The following PAK3 variants were observed in gnomAD, a reference collection of about 807,000 sequenced individuals.
PAK3 encodes serine/threonine-protein kinase PAK 3.
A neutral mutation model predicts 41.0 loss-of-function variants in PAK3; 4 were observed. That is an observed-to-expected ratio of 0.10 (90% CI 0.05 to 0.22). The LOEUF (loss-of-function observed/expected upper bound fraction) is 0.22. Ranked by LOEUF, PAK3 falls within the 10% of genes least tolerant of loss-of-function variation. The pLI, the probability that PAK3 is intolerant of heterozygous loss-of-function variation, is 1.00. For missense variants in PAK3, 205 were observed against 409.9 expected (o/e 0.50, Z 4.32); for synonymous variants, 146 against 139.6 (o/e 1.05, Z -0.32).
chrX:111,039,383 A>C (rs1290704104), intron 1 of PAK3, among the ~76,000 whole-genome samples: 1 of 112,154 alleles, frequency 8.9e-6, no homozygotes, highest in Non-Finnish European at 1.9e-5. Flanking sequence ...GAGAGGAATT[A>C]TCATGTCATA....
At chrX:111,087,702 G>A (rs1279007715) in intron 1 of PAK3, among the ~76,000 whole-genome samples, 1 of 103,788 alleles carries the variant, frequency 9.6e-6, no homozygotes, top group Admixed American at 1.1e-4. Flanking sequence ...GGAAGAAAAA[G>A]GGGATGTTCA....
chrX:111,203,801 C>A lies in PAK3; in HGVS notation c.1407+7161C>A, dbSNP rs1382191073. 6.3e-5 allele frequency among the ~76,000 whole-genome samples: 7 copies of A among 111,807 alleles called. No homozygotes were observed. The East Asian group carries it at 2.0e-3, about 32-fold the overall frequency. On this transcript the variant is annotated intron_variant, in intron 16 of 17. Transcript: ENST00000372007. ...GGATTGGAATGTCTGGGTTTGATGGCGTGTGCTCATTTGGAATTAAAGTCA... is the reference window on the plus strand; with the variant it reads ...GGATTGGAATGTCTGGGTTTGATGGAGTGTGCTCATTTGGAATTAAAGTCA...
At chrX:111,006,979 G>A (rs1223835252) in intron 1 of PAK3, among the ~76,000 whole-genome samples, 1 of 106,899 alleles carries the variant, frequency 9.4e-6, no homozygotes, top group African/African-American at 3.4e-5. Flanking sequence ...CAAACAAAAT[G>A]TTGAGTTTAC....
At chrX:111,107,867 C>G (rs186251876) in intron 4 of PAK3, among the ~76,000 whole-genome samples, 152 of 112,184 alleles carry the variant, frequency 1.4e-3, no homozygotes, top group African/African-American at 4.3e-3. Context: ...TGAGCAGGAA[C>G]ATCTTATCAA....
Position 111,117,830 on chromosome X carries a change from C to T in PAK3, c.-27-5247C>T, listed in dbSNP as rs2093493112. Reference sequence around the variant, plus strand: ...CTCTTACCCTCATGGAACTTATGATCTAATGAGGGGAGTGACTTGGATAAT... The same window carrying T: ...CTCTTACCCTCATGGAACTTATGATTTAATGAGGGGAGTGACTTGGATAAT... On this transcript the variant is annotated intron_variant, in intron 4 of 17. Transcript: ENST00000372007. Among the ~76,000 whole-genome samples, 4 of 111,617 alleles carry T rather than the reference C, an allele frequency of 3.6e-5. No individual in the cohort carries two copies. In the South Asian group the frequency reaches 1.5e-3, roughly 43 times the overall value.
intron 1 of PAK3, among the ~76,000 whole-genome samples, chrX:110,959,890 TA>T (rs1569496871): frequency 8.9e-6 from 1 of 112,169 alleles, no homozygotes; most frequent in Non-Finnish European, 1.9e-5. Flanking sequence ...TTGTTTTTTT[TA>T]AAAAATAAAT....
At chrX:111,087,532 C>G (rs763139190) in intron 1 of PAK3, among the ~76,000 whole-genome samples, 4 of 110,344 alleles carry the variant, frequency 3.6e-5, no homozygotes, top group Non-Finnish European at 7.6e-5. Flanking sequence ...GTCAGCCAAT[C>G]CTGTGTGCAC....
At chrX:111,042,119 A>C (rs1199487566) in intron 1 of PAK3, among the ~76,000 whole-genome samples, 1 of 111,953 alleles carries the variant, frequency 8.9e-6, no homozygotes, top group Non-Finnish European at 1.9e-5. Context: ...CATTATATGC[A>C]CAGGGTTTAA....
intron 8 of PAK3, among the ~76,000 whole-genome samples, chrX:111,155,674 G>GTATT (rs1419589810): frequency 9.0e-6 from 1 of 111,263 alleles, no homozygotes; most frequent in East Asian, 2.8e-4. Context: ...TACTTGGTAT[G>GTATT]TATTTGTTGA....
chrX:111,098,926 C>T (rs2093064810), intron 3 of PAK3: 1 of 112,157 alleles, frequency 8.9e-6, no homozygotes, highest in Admixed American at 9.4e-5. Context: ...CCCCCACCCC[C>T]ACCTGCCGGG....
intron 4 of PAK3, among the ~76,000 whole-genome samples, chrX:111,110,587 A>G (rs974675260): frequency 9.0e-6 from 1 of 111,627 alleles, no homozygotes; most frequent in African/African-American, 3.3e-5. Context: ...ATGTTTGGAA[A>G]GCAGTACCTT....
upstream of PAK3, among the ~76,000 whole-genome samples, chrX:111,094,387 C>A (rs189867199): frequency 9.0e-6 from 1 of 111,243 alleles, no homozygotes; most frequent in South Asian, 3.8e-4. Flanking sequence ...GGACTCATTT[C>A]GATACAAATC....
intron 13 of PAK3, 44 bp from the exon 14 acceptor site, chrX:111,194,256 GT>G (rs1446513008): frequency 7.7e-6 from 6 of 776,753 alleles, no homozygotes; most frequent in Non-Finnish European, 1.2e-5. Context: ...GAGTCCCCAG[GT>G]TTTTTAGCGT....
chrX:110,956,089 C>T (rs969306509), intron 1 of PAK3, among the ~76,000 whole-genome samples: 1 of 111,819 alleles, frequency 8.9e-6, no homozygotes, highest in African/African-American at 3.3e-5. Flanking sequence ...AAGAGATAAT[C>T]TATGTCTGTC....
At chrX:111,148,208 AGTAAGAGTT>A (rs2093978149) in intron 7 of PAK3, among the ~76,000 whole-genome samples, 1 of 111,967 alleles carries the variant, frequency 8.9e-6, no homozygotes, top group South Asian at 3.8e-4. Flanking sequence ...ATGTTCATGA[AGTAAGAGTT>A]GTATGTATGA....
At chrX:111,038,698 ACTTAGTTTT>A (rs2148765978) in intron 1 of PAK3, among the ~76,000 whole-genome samples, 1 of 112,277 alleles carries the variant, frequency 8.9e-6, no homozygotes, top group African/African-American at 3.2e-5. Flanking sequence ...CCTCTCTGAC[ACTTAGTTTT>A]CTTACCTGTG....
At chrX:111,204,733 G>A (rs1252015349) in intron 16 of PAK3, among the ~76,000 whole-genome samples, 1 of 111,096 alleles carries the variant, frequency 9.0e-6, no homozygotes, top group Non-Finnish European at 1.9e-5. Context: ...TGCAGAGAAA[G>A]TTAAATCAAT....
Position 110,945,015 on chromosome X carries a change from A to G in PAK3, c.-28+387A>G, listed in dbSNP as rs1318717053. Among the ~76,000 whole-genome samples the G allele has an allele frequency of 4.5e-5, 5 of 112,253 alleles. 1 individual carries two copies. The highest frequency in any genetic ancestry group is 7.5e-5 in the Non-Finnish European group (4 of 53,181). On this transcript the variant is annotated intron_variant, in intron 1 of 14. Coordinates refer to the PAK3 transcript ENST00000425146. ...ACCTGGGTGCCTGGGGCTTTGTTAC[A>G]TACAACAAAACCAGTCCTCCTCAGC...
intron 1 of PAK3, among the ~76,000 whole-genome samples, chrX:111,064,175 G>A (rs1238508439): frequency 1.8e-5 from 2 of 112,051 alleles, no homozygotes; most frequent in African/African-American, 6.5e-5. Flanking sequence ...TACTTTAGAC[G>A]AATAATTTCT....
Sources: gnomAD v4.1 joint callset for allele counts (sites outside exome capture counted in the v4.1 genomes callset) on GRCh38, gnomAD v4.1.1 for gene constraint, MANE v1.5 for transcripts, NCBI Gene and HGNC (gene_info 2026-07-23, HGNC 2026-07-21) for gene names.